The following GPR61 variants were observed in gnomAD, a reference collection of about 807,000 sequenced individuals.
GPR61 encodes G-protein coupled receptor 61.
Under a neutral mutation model 29.2 loss-of-function variants are expected in GPR61, and 15 were observed. That is an observed-to-expected ratio of 0.51 (90% CI 0.34 to 0.79). The LOEUF (loss-of-function observed/expected upper bound fraction) is 0.79, where lower values mean the gene tolerates loss of function less well. Among genes scored for constraint, GPR61 ranks in the 30% least tolerant of loss-of-function variants. The pLI, the probability that GPR61 is intolerant of heterozygous loss-of-function variation, is 0.01. For missense variants in GPR61, 399 were observed against 582.5 expected (o/e 0.69, Z 3.24); for synonymous variants, 238 against 242.3 (o/e 0.98, Z 0.17).
Position 109,542,831 on chromosome 1 carries a change from A to T in GPR61, c.-192A>T. 1.3e-6 allele frequency: 1 copy of T among 784,584 alleles called. No individual in the cohort carries two copies. Among genetic ancestry groups the T allele is most frequent in the Non-Finnish European group, 2.2e-6 (1 of 460,718 alleles). The allele number at this position is 784,584 out of a possible 1,614,324, so 48.6% of individuals were successfully genotyped here. ...GCAGCTACCTCCGGCCAGAAAGGGG[A>T]TGAGCTTCTGATCCTTCAGCTGCCT... On this transcript the variant is annotated 5_prime_UTR_variant, in exon 2 of 2. It removes an upstream start codon present in the reference 5' UTR. Coordinates refer to ENST00000527748, the MANE Select transcript of GPR61 (RefSeq NM_001393907.1).
At position 109,543,113 on chromosome 1, in the gene GPR61, G is replaced by A; in HGVS notation, c.91G>A (p.Val31Ile). Residue 31 changes from valine (V) to isoleucine (I), a missense_variant, in exon 2 of 2, where the codon GTC (valine) becomes ATC (isoleucine). Val to Ile is a conservative substitution (Grantham distance 29). Transcript: ENST00000527748. This position sits in a 1 kb window ranked among gnomAD's most constrained non-coding sequence, Gnocchi z 6.8. ...QTPGPSTASG[V>I]PEVGLRDVAS... The stretch of plus-strand genomic sequence containing the variant: ...CCCAGGTCCCTCTACTGCCAGTGGG[G>A]TCCCGGAGGTGGGGCTACGGGATGT... 6.3e-7 allele frequency: 1 copy of A among 1,582,808 alleles called. No homozygotes were observed.
At position 109,542,448 on chromosome 1, in the gene GPR61, A is replaced by G. The variant is rs1453828740; in HGVS notation, c.-575A>G. 6.9e-6 allele frequency: 2 copies of G among 288,490 alleles called. No individual in the cohort carries two copies. The highest frequency in any genetic ancestry group is 7.8e-5 in the Admixed American group (2 of 25,538). The allele number at this position is 288,490 out of a possible 1,614,324, so 17.9% of individuals were successfully genotyped here. A position where few individuals can be genotyped will look rare whatever the true frequency, so the allele number is the denominator to read the frequency against. On this transcript the variant is annotated 5_prime_UTR_variant, in exon 2 of 2. Transcript: ENST00000527748. ...TGGATTTATGAGGAAACTGAAATTCAGAAGATTCACAGAGTTAGTAATGCC... is the reference window on the plus strand; with the variant it reads ...TGGATTTATGAGGAAACTGAAATTCGGAAGATTCACAGAGTTAGTAATGCC...
intron 1 of GPR61, among the ~76,000 whole-genome samples, chr1:109,542,212 T>C (rs569776448): frequency 6.6e-6 from 1 of 152,162 alleles, no homozygotes; most frequent in Non-Finnish European, 1.5e-5. Context: ...CAGCTTCATC[T>C]CTTGCAAAAT....
intron 1 of GPR61, among the ~76,000 whole-genome samples, chr1:109,541,123 T>C (rs1647630409): frequency 6.6e-6 from 1 of 152,214 alleles, no homozygotes; most frequent in Admixed American, 6.5e-5. Flanking sequence ...TTTTTCCTGG[T>C]AGACTCTAAT....
intron 1 of GPR61, among the ~76,000 whole-genome samples, chr1:109,542,162 C>A (rs1647661047): frequency 6.6e-6 from 1 of 152,346 alleles, no homozygotes; most frequent in East Asian, 1.9e-4. Context: ...CGCTTACTAG[C>A]TGTGCGACCT....
At position 109,543,931 on chromosome 1, in the gene GPR61, C is replaced by T; in HGVS notation, c.909C>T (p.Tyr303=). ...AGTTCCTGCTCTGTTGGTTGCCCTA[C>T]TTCTCTTTCCACCTCTATGTTGCCC... ...GGQFLLCWLP[Y]FSFHLYVALS... Residue 303 remains tyrosine, a synonymous_variant, in exon 2 of 2, where the codon TAC becomes TAT. Transcript: ENST00000527748. The surrounding 1 kb of genome is among the most constrained non-coding windows in gnomAD (Gnocchi z 6.8). 1 of 1,614,172 alleles carries T rather than the reference C, an allele frequency of 6.2e-7. No homozygotes were observed. Among genetic ancestry groups the T allele is most frequent in the African/African-American group, 1.3e-5 (1 of 75,064 alleles).
Position 109,542,880 on chromosome 1 carries a change from A to G in GPR61, c.-143A>G. On this transcript the variant is annotated 5_prime_UTR_variant, in exon 2 of 2. Transcript: ENST00000527748. ...CTGGCCTGGCGCTCTGTACGCAGAC[A>G]AACCTGCCCAAGAGGCTCCAGTGGG... 1 of 1,203,426 alleles carries G rather than the reference A, an allele frequency of 8.3e-7. No homozygotes were observed. Among genetic ancestry groups the G allele is most frequent in the East Asian group, 2.5e-5 (1 of 39,316 alleles). The allele number at this position is 1,203,426 out of a possible 1,614,324, so 74.5% of individuals were successfully genotyped here.
intron 1 of GPR61, 154 bp downstream of exon 1, chr1:109,540,107 A>C (rs1210535225): frequency 1.3e-5 from 2 of 152,212 alleles, no homozygotes; most frequent in African/African-American, 4.8e-5. Flanking sequence ...CAGGTATCCC[A>C]AAGGCGGTAT....
chr1:109,544,111 T>C lies in GPR61; in HGVS notation c.1089T>C (p.Ala363=). Residue 363 remains alanine (A), a synonymous_variant, in exon 2 of 2, where the codon GCT becomes GCC. Transcript: ENST00000527748. This position sits in a 1 kb window ranked among gnomAD's most constrained non-coding sequence, Gnocchi z 4.6. ...SKQFVCFFKP[A]PEEELRLPSR... ...AGTTTGTCTGCTTCTTCAAGCCAGC[T>C]CCAGAGGAGGAGCTGAGGCTGCCTA... The C allele has an allele frequency of 6.2e-7, 1 of 1,614,170 alleles. No homozygotes were observed. Among genetic ancestry groups the C allele is most frequent in the Non-Finnish European group, 8.5e-7 (1 of 1,180,026 alleles).
chr1:109,544,015 C>T lies in GPR61; in HGVS notation c.993C>T (p.Tyr331=). 6.2e-7 allele frequency: 1 copy of T among 1,614,204 alleles called. No individual in the cohort carries two copies. The highest frequency in any genetic ancestry group is 8.5e-7 in the Non-Finnish European group (1 of 1,180,046). The change falls in exon 2 of 2, where the codon TAC becomes TAT. Residue 331 remains tyrosine, a synonymous_variant. Coordinates refer to ENST00000527748, the MANE Select transcript of GPR61 (RefSeq NM_001393907.1). This position sits in a 1 kb window ranked among gnomAD's most constrained non-coding sequence, Gnocchi z 4.6. ...QVESVVTWIG[Y]FCFTSNPFFY... ...AGAGTGTGGTCACCTGGATTGGCTA[C>T]TTTTGCTTCACTTCCAACCCTTTCT...
Position 109,544,555 on chromosome 1 carries a change from G to C in GPR61, c.*177G>C, listed in dbSNP as rs1482425543. ...GCCAACAGGATGAACGTGTGCAAAAGCCTTGGACTTGGCTGTGATCTTTGA... is the reference window on the plus strand; with the variant it reads ...GCCAACAGGATGAACGTGTGCAAAACCCTTGGACTTGGCTGTGATCTTTGA... On this transcript the variant is annotated 3_prime_UTR_variant, in exon 2 of 2. Coordinates refer to ENST00000527748, the MANE Select transcript of GPR61 (RefSeq NM_001393907.1). The surrounding 1 kb of genome is among the most constrained non-coding windows in gnomAD (Gnocchi z 4.6). 1.2e-5 allele frequency: 7 copies of C among 587,880 alleles called. No homozygotes were observed. Among genetic ancestry groups the C allele is most frequent in the Non-Finnish European group, 2.2e-5 (7 of 325,036 alleles). 36.4% of individuals were successfully genotyped at this position (587,880 alleles called of 1,614,324 possible).
Position 109,542,987 on chromosome 1 carries a change from T to C in GPR61, c.-36T>C. Reference sequence around the variant, plus strand: ...TGGACTAGGATGGGGGATGGGCCTGTGACAGGAGGTACCCTGGGTGCCCTC... The same window carrying C: ...TGGACTAGGATGGGGGATGGGCCTGCGACAGGAGGTACCCTGGGTGCCCTC... On this transcript the variant is annotated 5_prime_UTR_variant, in exon 2 of 2. It removes the in-frame stop codon of an upstream open reading frame in the 5' UTR. Transcript: ENST00000527748. The C allele has an allele frequency of 1.3e-6, 2 of 1,553,378 alleles. No homozygotes were observed. Among genetic ancestry groups the C allele is most frequent in the South Asian group, 2.4e-5 (2 of 81,942 alleles).
Position 109,543,852 on chromosome 1 carries a change from A to G in GPR61, c.830A>G (p.His277Arg). The G allele has an allele frequency of 6.2e-7, 1 of 1,613,130 alleles. No homozygotes were observed. Among genetic ancestry groups the G allele is most frequent in the Non-Finnish European group, 8.5e-7 (1 of 1,179,996 alleles). ...TCGGGGGCCCCCCAGACCACCCCAC[A>G]CCGGACGTTTGGGGGAGGGAAAGCA... ...TSSGAPQTTP[H>R]RTFGGGKAAV... Residue 277 changes from histidine (H) to arginine (R), a missense_variant, in exon 2 of 2, where the codon CAC becomes CGC. This residue lies in a region of GPR61 where 320 missense variants were observed against 459.8 expected (regional missense o/e 0.70). Coordinates refer to ENST00000527748, the MANE Select transcript of GPR61 (RefSeq NM_001393907.1). This position sits in a 1 kb window ranked among gnomAD's most constrained non-coding sequence, Gnocchi z 6.8.
At position 109,544,563 on chromosome 1, in the gene GPR61, C is replaced by G. The variant is rs1255471724; in HGVS notation, c.*185C>G. The G allele has an allele frequency of 5.2e-6, 3 of 576,894 alleles. No individual in the cohort carries two copies. The East Asian group carries it at 8.5e-5, about 16-fold the overall frequency. The allele number at this position is 576,894 out of a possible 1,614,324, so 35.7% of individuals were successfully genotyped here. ...GATGAACGTGTGCAAAAGCCTTGGACTTGGCTGTGATCTTTGACTGCTAGG... is the reference window on the plus strand; with the variant it reads ...GATGAACGTGTGCAAAAGCCTTGGAGTTGGCTGTGATCTTTGACTGCTAGG... On this transcript the variant is annotated 3_prime_UTR_variant, in exon 2 of 2. Coordinates refer to ENST00000527748, the MANE Select transcript of GPR61 (RefSeq NM_001393907.1). The surrounding 1 kb of genome is among the most constrained non-coding windows in gnomAD (Gnocchi z 4.6).
In GPR61 at chr1:109,543,207, C is replaced by T; in HGVS notation, c.185C>T (p.Ala62Val). The T allele has an allele frequency of 6.8e-6, 11 of 1,614,158 alleles. No individual in the cohort carries two copies. Among genetic ancestry groups the T allele is most frequent in the Non-Finnish European group, 9.3e-6 (11 of 1,180,002 alleles). ...LDLTAVAGNAAVMAVIAKTPA... is the reference protein window; with the variant it reads ...LDLTAVAGNAVVMAVIAKTPA... ...TTGACTGCTGTGGCTGGCAATGCCG[C>T]TGTGATGGCCGTGATCGCCAAGACG... Residue 62 changes from alanine to valine, a missense_variant, in exon 2 of 2, where the codon GCT becomes GTT. By Grantham distance (64) the Ala-to-Val change is moderately conservative. Coordinates refer to ENST00000527748, the MANE Select transcript of GPR61 (RefSeq NM_001393907.1). This position sits in a 1 kb window ranked among gnomAD's most constrained non-coding sequence, Gnocchi z 6.8.
Position 109,544,359 on chromosome 1 carries a change from C to T in GPR61, c.1337C>T (p.Ser446Leu). 6.2e-7 allele frequency: 1 copy of T among 1,612,252 alleles called. No homozygotes were observed. Among genetic ancestry groups the T allele is most frequent in the Non-Finnish European group, 8.5e-7 (1 of 1,179,034 alleles). ...GACAGCTACCTCCGTCCTGCCGCCT[C>T]ACCCCGGCTGGAGTCATGATGGGCC... is the stretch of plus-strand genomic sequence containing the variant. Reference protein sequence around the residue: ...MSDSYLRPAASPRLES With the variant: ...MSDSYLRPAALPRLES Residue 446 changes from serine to leucine, a missense_variant, in exon 2 of 2, where the codon TCA (serine) becomes TTA (leucine). Physicochemically the swap from Ser to Leu is moderately radical, Grantham distance 145. This residue lies in a region of GPR61 where 320 missense variants were observed against 459.8 expected (regional missense o/e 0.70). Transcript: ENST00000527748. This position sits in a 1 kb window ranked among gnomAD's most constrained non-coding sequence, Gnocchi z 4.6.
chr1:109,539,899 G>A lies in GPR61; in HGVS notation c.-656G>A, dbSNP rs1258663498. On this transcript the variant is annotated 5_prime_UTR_variant, in exon 1 of 2. Transcript: ENST00000527748. The stretch of plus-strand genomic sequence containing the variant: ...AGTGCTTCAGGCTTCAGCAGCCTTG[G>A]AGAAGCATCAGCTGAGAGGAGCTAT... 1 of 152,258 alleles carries A rather than the reference G, an allele frequency of 6.6e-6. No individual in the cohort carries two copies. Among genetic ancestry groups the A allele is most frequent in the South Asian group, 2.1e-4 (1 of 4,836 alleles). The allele number at this position is 152,258 out of a possible 1,614,324, so 9.4% of individuals were successfully genotyped here. A position where few individuals can be genotyped will look rare whatever the true frequency, so the allele number is the denominator to read the frequency against.
chr1:109,540,058 C>G (rs908703988), intron 1 of GPR61, 105 bp downstream of exon 1: 1 of 152,362 alleles, frequency 6.6e-6, no homozygotes, highest in Non-Finnish European at 1.5e-5. Flanking sequence ...CCAGCCCTGC[C>G]TACATTCCGG....
chr1:109,541,533 G>A (rs1282305168), intron 1 of GPR61, among the ~76,000 whole-genome samples: 1 of 152,248 alleles, frequency 6.6e-6, no homozygotes, highest in Non-Finnish European at 1.5e-5. Flanking sequence ...GGAGAGTGGG[G>A]CCCATCTTGC....
Sources: allele counts gnomAD v4.1 joint callset (sites outside exome capture counted in the v4.1 genomes callset), GRCh38; gene constraint gnomAD v4.1.1; regional missense constraint gnomAD v4.1.1; non-coding constraint Gnocchi (gnomAD v3.1); transcripts MANE v1.5; gene names NCBI Gene and HGNC (gene_info 2026-07-23, HGNC 2026-07-21).